Variants in TRIP13 observed in about 807,000 individuals in gnomAD.
The protein encoded by TRIP13 is thyroid hormone receptor interactor 13, also known as pachytene checkpoint protein 2 homolog.
TRIP13 carries 25 observed loss-of-function variants against 54.4 expected under a neutral mutation model. That is an observed-to-expected ratio of 0.46 (90% CI 0.33 to 0.64). TRIP13 has a LOEUF of 0.64. Ranked by LOEUF, TRIP13 falls within the 30% of genes least tolerant of loss-of-function variation. The probability of loss-of-function intolerance (pLI) is 0.02; values close to 1 mark genes in which losing one functional copy is unlikely to be tolerated. For synonymous variants in TRIP13, 207 were observed against 207.8 expected (o/e 1.00, Z 0.03); for missense variants, 373 against 534.2 (o/e 0.70, Z 2.97).
chr5:917,111 C>G lies in TRIP13; in HGVS notation c.*8C>G. On this transcript the variant is annotated 3_prime_UTR_variant, in exon 13 of 13. Transcript: ENST00000166345. ...CTTGCAGCTTACATCTGATCCTGGG[C>G]TTCCCCATCTGGTGCTTTTCCCATG... is the stretch of plus-strand genomic sequence containing the variant. The G allele has an allele frequency of 1.2e-6, 2 of 1,613,498 alleles. No homozygotes were observed. Among genetic ancestry groups the G allele is most frequent in the Non-Finnish European group, 1.7e-6 (2 of 1,179,720 alleles).
At chr5:895,001 G>A in intron 2 of TRIP13, 49 bp downstream of exon 2, 1 of 1,535,562 alleles carries the variant, frequency 6.5e-7, no homozygotes, top group Non-Finnish European at 8.8e-7. Context: ...GAATACAAAA[G>A]GTTGTATCAT....
chr5:907,266 C>A lies in TRIP13; in HGVS notation c.672+73C>A. ...AAATGTCTTGTATGTTAGGCAAATCCTCCTCCAGAAGCTTCAGGAGAGAAC... is the reference window on the plus strand; with the variant it reads ...AAATGTCTTGTATGTTAGGCAAATCATCCTCCAGAAGCTTCAGGAGAGAAC... On this transcript the variant is annotated intron_variant, in intron 7 of 12. Coordinates refer to ENST00000166345, the MANE Select transcript of TRIP13 (RefSeq NM_004237.4). The surrounding 1 kb of genome is among the most constrained non-coding windows in gnomAD (Gnocchi z 4.1). 7.5e-7 allele frequency: 1 copy of A among 1,329,356 alleles called. No individual in the cohort carries two copies. 82.3% of individuals were successfully genotyped at this position (1,329,356 alleles called of 1,614,324 possible).
In TRIP13 at chr5:911,353, C is replaced by T. The variant is rs1161008732; in HGVS notation, c.867-490C>T. Among the ~76,000 whole-genome samples, 1 of 151,782 alleles carries T rather than the reference C, an allele frequency of 6.6e-6. No homozygotes were observed. The highest frequency in any genetic ancestry group is 1.5e-5 in the Non-Finnish European group (1 of 67,922). On this transcript the variant is annotated intron_variant, in intron 9 of 12. Coordinates refer to ENST00000166345, the MANE Select transcript of TRIP13 (RefSeq NM_004237.4). The surrounding 1 kb of genome is among the most constrained non-coding windows in gnomAD (Gnocchi z 4.7). ...TTGGGAGGCCGAGGCAGGCGGATCACGAGGTCAGGAGATCGAGACCATCCT... is the reference window on the plus strand; with the variant it reads ...TTGGGAGGCCGAGGCAGGCGGATCATGAGGTCAGGAGATCGAGACCATCCT...
At position 915,477 on chromosome 5, in the gene TRIP13, G is replaced by A. The variant is rs941265094; in HGVS notation, c.1134-427G>A. Among the ~76,000 whole-genome samples the A allele has an allele frequency of 6.7e-6, 1 of 148,578 alleles. No homozygotes were observed. Among genetic ancestry groups the A allele is most frequent in the South Asian group, 2.2e-4 (1 of 4,642 alleles). ...CAGGCAGGTGATGCATTCCCTGAGCGCAAGGATGCTGGCCCTGGGGCAGAG... is the reference window on the plus strand; with the variant it reads ...CAGGCAGGTGATGCATTCCCTGAGCACAAGGATGCTGGCCCTGGGGCAGAG... On this transcript the variant is annotated intron_variant, in intron 11 of 12. Coordinates refer to ENST00000166345, the MANE Select transcript of TRIP13 (RefSeq NM_004237.4). This position sits in a 1 kb window ranked among gnomAD's most constrained non-coding sequence, Gnocchi z 4.2.
chr5:916,256 C>T (rs976159029), intron 12 of TRIP13, among the ~76,000 whole-genome samples: 3 of 152,174 alleles, frequency 2.0e-5, no homozygotes, highest in African/African-American at 7.2e-5. Context: ...CCAGGGCCCT[C>T]GCTGGCCTCA....
downstream of TRIP13, among the ~76,000 whole-genome samples, chr5:918,568 T>C (rs775059565): frequency 3.3e-5 from 5 of 151,752 alleles, no homozygotes; most frequent in Non-Finnish European, 5.9e-5. The surrounding 1 kb of genome is among the most constrained non-coding windows in gnomAD (Gnocchi z 4.3). Flanking sequence ...CATCTGAGAG[T>C]AAAGGCAGTG....
intron 9 of TRIP13, among the ~76,000 whole-genome samples, chr5:909,165 A>G (rs773824091): frequency 6.6e-6 from 1 of 152,154 alleles, no homozygotes; most frequent in African/African-American, 2.4e-5. Flanking sequence ...CTTCGTGTGC[A>G]GATGGTCCAC....
Position 894,775 on chromosome 5 carries a change from T to G in TRIP13, c.93-12T>G, listed in dbSNP as rs773393676. The stretch of plus-strand genomic sequence containing the variant: ...TAAGATCATTTATGTGTGTTTTGGC[T>G]TCTTTTTTTAGCACTGCAAAGAAAG... On this transcript the variant is annotated splice_polypyrimidine_tract_variant and intron_variant, in intron 1 of 12. Transcript: ENST00000166345. The G allele has an allele frequency of 1.3e-6, 2 of 1,588,052 alleles. No homozygotes were observed. Among genetic ancestry groups the G allele is most frequent in the South Asian group, 2.3e-5 (2 of 85,842 alleles).
At position 917,837 on chromosome 5, in the gene TRIP13, G is replaced by A. The variant is rs987252904; in HGVS notation, c.*734G>A. ...CCCACGGTTTTGTTTGTGCAATAACGTTATCACATTTCTAATGAGGATTCA... is the reference window on the plus strand; with the variant it reads ...CCCACGGTTTTGTTTGTGCAATAACATTATCACATTTCTAATGAGGATTCA... On this transcript the variant is annotated 3_prime_UTR_variant, in exon 13 of 13. Coordinates refer to ENST00000166345, the MANE Select transcript of TRIP13 (RefSeq NM_004237.4). 1.3e-5 allele frequency: 2 copies of A among 152,120 alleles called. No homozygotes were observed. The highest frequency in any genetic ancestry group is 2.4e-5 in the African/African-American group (1 of 41,414). The allele number at this position is 152,120 out of a possible 1,614,324, so 9.4% of individuals were successfully genotyped here. A position where few individuals can be genotyped will look rare whatever the true frequency, so the allele number is the denominator to read the frequency against.
Position 915,799 on chromosome 5 carries a change from G to A in TRIP13, c.1134-105G>A, listed in dbSNP as rs973022151. On this transcript the variant is annotated intron_variant, in intron 11 of 12. Coordinates refer to ENST00000166345, the MANE Select transcript of TRIP13 (RefSeq NM_004237.4). This position sits in a 1 kb window ranked among gnomAD's most constrained non-coding sequence, Gnocchi z 4.2. ...TGTGAACCCAGGGTGTGCTTGGGACGCCTCGGCTTGTGTTCCCAGGGATGC... is the reference window on the plus strand; with the variant it reads ...TGTGAACCCAGGGTGTGCTTGGGACACCTCGGCTTGTGTTCCCAGGGATGC... The A allele has an allele frequency of 1.3e-5, 16 of 1,191,906 alleles. No individual in the cohort carries two copies. The African/African-American group carries it at 1.3e-4, about 10-fold the overall frequency. The allele number at this position is 1,191,906 out of a possible 1,614,324, so 73.8% of individuals were successfully genotyped here.
rs922433394 is a variant in TRIP13, at chr5:907,319, G to A, written c.672+126G>A. 7 of 842,994 alleles carry A rather than the reference G, an allele frequency of 8.3e-6. No homozygotes were observed. Among genetic ancestry groups the A allele is most frequent in the Non-Finnish European group, 1.3e-5 (7 of 528,366 alleles). 52.2% of individuals were successfully genotyped at this position (842,994 alleles called of 1,614,324 possible). A position where few individuals can be genotyped will look rare whatever the true frequency, so the allele number is the denominator to read the frequency against. On this transcript the variant is annotated intron_variant, in intron 7 of 12. Coordinates refer to ENST00000166345, the MANE Select transcript of TRIP13 (RefSeq NM_004237.4). The surrounding 1 kb of genome is among the most constrained non-coding windows in gnomAD (Gnocchi z 4.1). Reference sequence around the variant, plus strand: ...GGTGGGAAGGGTGTGTGAGGATTGGGGCTGACTGTGATCAGAGAAGGTTCC... The same window carrying A: ...GGTGGGAAGGGTGTGTGAGGATTGGAGCTGACTGTGATCAGAGAAGGTTCC...
chr5:895,152 T>C (rs2150680707), intron 2 of TRIP13, among the ~76,000 whole-genome samples, 200 bp downstream of exon 2: 1 of 152,314 alleles, frequency 6.6e-6, no homozygotes, highest in South Asian at 2.1e-4. Context: ...CGGGGTGCTC[T>C]CAGTATAGCA....
In TRIP13 at chr5:911,651, C is replaced by T. The variant is rs1754234417; in HGVS notation, c.867-192C>T. On this transcript the variant is annotated intron_variant, in intron 9 of 12. Transcript: ENST00000166345. This position sits in a 1 kb window ranked among gnomAD's most constrained non-coding sequence, Gnocchi z 4.7. Reference sequence around the variant, plus strand: ...ATGAGCGAAGTGGGGCTGTAGAATTCCCAGAAGGCCAAGGAGCAGCGAGAG... The same window carrying T: ...ATGAGCGAAGTGGGGCTGTAGAATTTCCAGAAGGCCAAGGAGCAGCGAGAG... Among the ~76,000 whole-genome samples the T allele has an allele frequency of 6.6e-6, 1 of 151,486 alleles. No homozygotes were observed. The highest frequency in any genetic ancestry group is 2.1e-4 in the South Asian group (1 of 4,794).
chr5:914,593 AT>A lies in TRIP13; in HGVS notation c.1133+21del, dbSNP rs767384054. ...ACATTTCAAGGTGCAAATTGACCTC[AT>A]TTTTGTAATCAAGAAGAATCCATTT... On this transcript the variant is annotated intron_variant, in intron 11 of 12. Coordinates refer to ENST00000166345, the MANE Select transcript of TRIP13 (RefSeq NM_004237.4). 2 of 1,588,072 alleles carry A rather than the reference AT, an allele frequency of 1.3e-6. No individual in the cohort carries two copies. The highest frequency in any genetic ancestry group is 1.1e-5 in the South Asian group (1 of 90,534).
chr5:907,848 T>G lies in TRIP13; in HGVS notation c.673-140T>G. 5.2e-6 allele frequency: 4 copies of G among 771,834 alleles called. No individual in the cohort carries two copies. The highest frequency in any genetic ancestry group is 6.6e-6 in the Non-Finnish European group (3 of 454,808). 47.8% of individuals were successfully genotyped at this position (771,834 alleles called of 1,614,324 possible). On this transcript the variant is annotated intron_variant, in intron 7 of 12. Coordinates refer to ENST00000166345, the MANE Select transcript of TRIP13 (RefSeq NM_004237.4). This position sits in a 1 kb window ranked among gnomAD's most constrained non-coding sequence, Gnocchi z 4.1. ...TCCCATGCTGCCCTAGCTTCTCTGA[T>G]TTAGGGAGCTTTCTGAGGGGCCGTC...
At chr5:902,325 A>G (rs1754010482) in intron 5 of TRIP13, among the ~76,000 whole-genome samples, 1 of 152,208 alleles carries the variant, frequency 6.6e-6, no homozygotes, top group Non-Finnish European at 1.5e-5. Flanking sequence ...GTCAGTTAAG[A>G]TTGCGTGACA....
Position 896,775 on chromosome 5 carries a change from T to G in TRIP13, c.369T>G (p.Asn123Lys). 6.2e-7 allele frequency: 1 copy of G among 1,613,414 alleles called. No individual in the cohort carries two copies. Among genetic ancestry groups the G allele is most frequent in the Non-Finnish European group, 8.5e-7 (1 of 1,179,656 alleles). ...EEETENIIAA[N>K]HWVLPAAEFH... The stretch of plus-strand genomic sequence containing the variant: ...AGACAGAAAACATAATTGCAGCAAA[T>G]CACTGGGTTCTACCTGCAGGTATGG... Residue 123 changes from asparagine (N) to lysine (K), a missense_variant, in exon 3 of 13, where the codon AAT becomes AAG. Transcript: ENST00000166345.
In TRIP13 at chr5:908,548, T is replaced by G; in HGVS notation, c.866+87T>G. 1.3e-6 allele frequency: 2 copies of G among 1,570,426 alleles called. No homozygotes were observed. The highest frequency in any genetic ancestry group is 1.7e-6 in the Non-Finnish European group (2 of 1,157,214). On this transcript the variant is annotated intron_variant, in intron 9 of 12. Coordinates refer to ENST00000166345, the MANE Select transcript of TRIP13 (RefSeq NM_004237.4). This position sits in a 1 kb window ranked among gnomAD's most constrained non-coding sequence, Gnocchi z 5.2. ...CGTGATACTTGTGCAACCCTAGATC[T>G]TAGTGCCCAGCTCTTTCACCGGAAA...
At chr5:918,609 T>G (rs1280632016), downstream of TRIP13, among the ~76,000 whole-genome samples, 2 of 152,124 alleles carry the variant, frequency 1.3e-5, no homozygotes, top group Non-Finnish European at 2.9e-5. The surrounding 1 kb of genome is among the most constrained non-coding windows in gnomAD (Gnocchi z 4.3). Context: ...ACAGAACTAA[T>G]GGAATAGATA....
Sources: gnomAD v4.1 joint callset for allele counts (sites outside exome capture counted in the v4.1 genomes callset) on GRCh38, gnomAD v4.1.1 for gene constraint, Gnocchi (gnomAD v3.1) non-coding constraint, MANE v1.5 for transcripts, NCBI Gene and HGNC (gene_info 2026-07-23, HGNC 2026-07-21) for gene names.